The following ANKFN1 variants were observed in gnomAD, a reference collection of about 807,000 sequenced individuals.
The protein encoded by ANKFN1 is ankyrin repeat and fibronectin type III domain containing 1.
A neutral mutation model predicts 108.7 loss-of-function variants in ANKFN1; 74 were observed. The ratio of observed to expected loss-of-function variants is 0.68; its 90% CI spans 0.56 to 0.83. The LOEUF is 0.83. Ranked by LOEUF, ANKFN1 falls within the 40% of genes least tolerant of loss-of-function variation. ANKFN1 has a pLI of 0.00. For synonymous variants in ANKFN1, 547 were observed against 516.2 expected, an observed-to-expected ratio of 1.06 and a Z score of -0.81; for missense variants, 1,505 against 1,382.3, an observed-to-expected ratio of 1.09 and a Z score of -1.41.
chr17:56,419,500 G>T (rs541047556), intron 8 of ANKFN1, among the ~76,000 whole-genome samples: 114 of 147,300 alleles, frequency 7.7e-4, no homozygotes, highest in African/African-American at 2.7e-3. Flanking sequence ...AAAAAAAAGA[G>T]ATATAAATTT....
At chr17:56,187,996 G>A (rs1480166739) in intron 1 of ANKFN1, among the ~76,000 whole-genome samples, 1 of 152,050 alleles carries the variant, frequency 6.6e-6, no homozygotes. Context: ...CAAGTTAACG[G>A]GTGCAGCACA....
chr17:56,164,644 CAA>C (rs1204823644), intron 1 of ANKFN1, among the ~76,000 whole-genome samples: 1 of 152,126 alleles, frequency 6.6e-6, no homozygotes, highest in Admixed American at 6.5e-5. Context: ...TTGAAAATAG[CAA>C]AGTCTTTTTA....
intron 1 of ANKFN1, chr17:56,174,460 G>A: frequency 1.0e-6 from 1 of 966,324 alleles, no homozygotes; most frequent in Non-Finnish European, 1.2e-6. Context: ...AGGGTTCTCT[G>A]GCTAGACCTG....
At chr17:56,200,366 AT>A (rs1372776900) in intron 1 of ANKFN1, among the ~76,000 whole-genome samples, 3 of 152,240 alleles carry the variant, frequency 2.0e-5, no homozygotes, top group Non-Finnish European at 4.4e-5. Flanking sequence ...TCTGCCATGA[AT>A]TGGCTATTTG....
chr17:56,478,319 A>G (rs1413268839), intron 16 of ANKFN1, among the ~76,000 whole-genome samples: 1 of 152,142 alleles, frequency 6.6e-6, no homozygotes. Flanking sequence ...TTTTCTTTAT[A>G]ATCTAAAACA....
chr17:56,125,081 C>A lies in ANKFN1; in HGVS notation c.288+78756C>A, dbSNP rs949627134. On this transcript the variant is annotated intron_variant, in intron 4 of 12. Transcript: ENST00000635860. Reference sequence around the variant, plus strand: ...CTGCAAACACCATTTTCCCATAGAACCTTTCCTAATCACCTCAACTTACAT... The same window carrying A: ...CTGCAAACACCATTTTCCCATAGAAACTTTCCTAATCACCTCAACTTACAT... Among the ~76,000 whole-genome samples the A allele has an allele frequency of 2.6e-5, 4 of 152,120 alleles. No homozygotes were observed. In the East Asian group the frequency reaches 5.8e-4, roughly 22 times the overall value.
intron 14 of ANKFN1, among the ~76,000 whole-genome samples, chr17:56,463,348 T>A (rs887785): frequency 0.67 from 101,629 of 152,028 alleles, 34,391 homozygotes; most frequent in East Asian, 0.87. Context: ...CAAAGCCTGC[T>A]TCCTTTCCAG....
chr17:56,274,460 G>A (rs1450691316), intron 3 of ANKFN1, among the ~76,000 whole-genome samples: 6 of 152,084 alleles, frequency 3.9e-5, no homozygotes, highest in Non-Finnish European at 8.8e-5. Context: ...GCGACAGCGC[G>A]AGACTCCGCC....
At chr17:56,202,914 A>C (rs1482880923) in intron 1 of ANKFN1, among the ~76,000 whole-genome samples, 1 of 152,232 alleles carries the variant, frequency 6.6e-6, no homozygotes, top group Non-Finnish European at 1.5e-5. Flanking sequence ...ATGCATACAC[A>C]CATAAAATAC....
chr17:56,499,765 A>T (rs1323296604), intron 20 of ANKFN1, among the ~76,000 whole-genome samples: 1 of 152,136 alleles, frequency 6.6e-6, no homozygotes, highest in African/African-American at 2.4e-5. Flanking sequence ...GTTAATATGA[A>T]TTTCTACAAA....
At chr17:56,148,946 G>A (rs1420555079), upstream of ANKFN1, among the ~76,000 whole-genome samples, 5 of 152,240 alleles carry the variant, frequency 3.3e-5, no homozygotes, top group East Asian at 1.9e-4. Context: ...TGAAAGGTAC[G>A]TATTATTTAT....
intron 8 of ANKFN1, among the ~76,000 whole-genome samples, chr17:56,434,663 C>T (rs993936049): frequency 2.0e-5 from 3 of 152,034 alleles, no homozygotes; most frequent in South Asian, 2.1e-4. Flanking sequence ...AGAGTTTTCA[C>T]GTCAGTTCCT....
At chr17:56,364,179 T>C (rs1212238219) in intron 6 of ANKFN1, among the ~76,000 whole-genome samples, 1 of 152,140 alleles carries the variant, frequency 6.6e-6, no homozygotes, top group African/African-American at 2.4e-5. Context: ...AATCATAATA[T>C]TACTTTGTAT....
chr17:56,428,149 G>A (rs968945149), intron 8 of ANKFN1, among the ~76,000 whole-genome samples: 18 of 151,788 alleles, frequency 1.2e-4, no homozygotes, highest in African/African-American at 3.9e-4. Flanking sequence ...CATGAGAATT[G>A]CTTGAACCCG....
At chr17:56,243,686 G>T (rs1035149992) in intron 3 of ANKFN1, among the ~76,000 whole-genome samples, 3 of 152,002 alleles carry the variant, frequency 2.0e-5, no homozygotes, top group African/African-American at 7.2e-5. Context: ...GTGGCTAAGG[G>T]CTTCACCTTC....
intron 3 of ANKFN1, among the ~76,000 whole-genome samples, chr17:56,311,538 T>C (rs1177979918): frequency 6.6e-6 from 1 of 152,228 alleles, no homozygotes; most frequent in East Asian, 1.9e-4. Context: ...TAAGTACTTA[T>C]GTGTGAAAAT....
At chr17:56,416,209 A>G (rs187603082) in intron 8 of ANKFN1, among the ~76,000 whole-genome samples, 3 of 152,320 alleles carry the variant, frequency 2.0e-5, no homozygotes, top group Admixed American at 1.3e-4. Context: ...AAAATTCTCA[A>G]ATGGGATTAC....
At chr17:56,353,262 G>A (rs1270935590) in intron 5 of ANKFN1, among the ~76,000 whole-genome samples, 11 of 146,208 alleles carry the variant, frequency 7.5e-5, no homozygotes, top group Admixed American at 1.4e-4. Flanking sequence ...TTTTAAGAGC[G>A]TCTCTCTCCG....
intron 8 of ANKFN1, among the ~76,000 whole-genome samples, chr17:56,410,704 C>T (rs1445157378): frequency 1.3e-5 from 2 of 152,120 alleles, no homozygotes; most frequent in African/African-American, 2.4e-5. Context: ...CATCTCCAGC[C>T]CCCACCACCG....
Sources: allele counts gnomAD v4.1 joint callset (sites outside exome capture counted in the v4.1 genomes callset), GRCh38; gene constraint gnomAD v4.1.1; transcripts MANE v1.5; gene names NCBI Gene and HGNC (gene_info 2026-07-23, HGNC 2026-07-21).